The following MAPK8IP3 variants were observed in gnomAD, a reference collection of about 807,000 sequenced individuals.
MAPK8IP3 encodes C-Jun-amino-terminal kinase-interacting protein 3.
In MAPK8IP3, 49 loss-of-function variants were observed where a neutral mutation model predicts 157.8. The observed-to-expected ratio is 0.31, with a 90% confidence interval of 0.25 to 0.39. MAPK8IP3 has a LOEUF of 0.39. Among genes scored for constraint, MAPK8IP3 ranks in the 10% least tolerant of loss-of-function variants. The probability of loss-of-function intolerance (pLI) is 1.00; values close to 1 mark genes in which losing one functional copy is unlikely to be tolerated. For missense variants in MAPK8IP3, 1,478 were observed against 1,889.4 expected (o/e 0.78, Z 4.04); for synonymous variants, 897 against 777.7 (o/e 1.15, Z -2.55).
chr16:1,748,501 T>A lies in MAPK8IP3; in HGVS notation c.1098-101T>A, dbSNP rs369875593. 6 of 1,170,540 alleles carry A rather than the reference T, an allele frequency of 5.1e-6. No individual in the cohort carries two copies. The Admixed American group carries it at 5.6e-5, about 11-fold the overall frequency. 72.5% of individuals were successfully genotyped at this position (1,170,540 alleles called of 1,614,324 possible). The stretch of plus-strand genomic sequence containing the variant: ...ACCGGCCTGCAGGGCAGTGTGGGCA[T>A]TGAATGGCCACGGTGGGAGGTGTTG... On this transcript the variant is annotated intron_variant, in intron 7 of 31. Coordinates refer to ENST00000610761, the MANE Select transcript of MAPK8IP3 (RefSeq NM_001318852.2).
intron 5 of MAPK8IP3, chr16:1,746,065 G>C (rs546863587): frequency 3.3e-5 from 5 of 152,344 alleles, no homozygotes; most frequent in Admixed American, 1.3e-4. Context: ...TGCGCCCTCT[G>C]AGAGACCACG....
Position 1,767,195 on chromosome 16 carries a change from C to G in MAPK8IP3, c.3135C>G (p.His1045Gln), listed in dbSNP as rs751354965. ...ACTATCACCTAATGGACCTGGGCCA[C>G]CCGCACCACTCCATCCGCTGCATGG... Reference protein sequence around the residue: ...LSNYHLMDLGHPHHSIRCMAV... With the variant: ...LSNYHLMDLGQPHHSIRCMAV... The change falls in exon 26 of 32, where the codon CAC (histidine) becomes CAG (glutamine). Residue 1045 changes from histidine (H) to glutamine (Q), a missense_variant. This residue lies in a region of MAPK8IP3 where 669 missense variants were observed against 759.8 expected (regional missense o/e 0.88). Transcript: ENST00000610761. 1.9e-6 allele frequency: 3 copies of G among 1,613,242 alleles called. No homozygotes were observed. The African/African-American group carries it at 4.0e-5, about 22-fold the overall frequency.
chr16:1,721,033 CAAA>C (rs748395787), intron 1 of MAPK8IP3, among the ~76,000 whole-genome samples: 2 of 93,290 alleles, frequency 2.1e-5, no homozygotes. Context: ...AACTTTGTCT[CAAA>C]AAAAAAAAAA....
chr16:1,718,473 C>T (rs1328793921), intron 1 of MAPK8IP3, among the ~76,000 whole-genome samples: 3 of 151,956 alleles, frequency 2.0e-5, no homozygotes, highest in Non-Finnish European at 4.4e-5. Flanking sequence ...CATGAGTCAC[C>T]GCGCCCGGCT....
Position 1,710,022 on chromosome 16 carries a change from A to G in MAPK8IP3, c.318+3365A>G, listed in dbSNP as rs142515075. Among the ~76,000 whole-genome samples the G allele has an allele frequency of 4.6e-5, 7 of 152,306 alleles. No individual in the cohort carries two copies. In the East Asian group the frequency reaches 1.4e-3, roughly 29 times the overall value. On this transcript the variant is annotated intron_variant, in intron 1 of 31. Coordinates refer to ENST00000610761, the MANE Select transcript of MAPK8IP3 (RefSeq NM_001318852.2). The surrounding 1 kb of genome is among the most constrained non-coding windows in gnomAD (Gnocchi z 4.1). ...TGATGCTATGTAAGGAAAGGATGCA[A>G]GGGAAGACAGTTTTATCCAAAACTT... is the stretch of plus-strand genomic sequence containing the variant.
In MAPK8IP3 at chr16:1,768,700, C is replaced by T. The variant is rs368633312; in HGVS notation, c.3893-3C>T. ...GGCCGTCACTCTGCTGCTTTGCCCG[C>T]AGGAGACGGAGAGGACGACGAGACG... On this transcript the variant is annotated splice_polypyrimidine_tract_variant and splice_region_variant and intron_variant, in intron 31 of 31. Coordinates refer to ENST00000610761, the MANE Select transcript of MAPK8IP3 (RefSeq NM_001318852.2). 3.5e-5 allele frequency: 56 copies of T among 1,611,904 alleles called. No homozygotes were observed. The highest frequency in any genetic ancestry group is 4.5e-5 in the Non-Finnish European group (53 of 1,179,410).
rs565270072 is a variant in MAPK8IP3 at position 1,762,618 on chromosome 16, GCAGGTA to G, written c.1671-56_1671-51del. On this transcript the variant is annotated intron_variant, in intron 14 of 31. Coordinates refer to ENST00000610761, the MANE Select transcript of MAPK8IP3 (RefSeq NM_001318852.2). ...GCTTCCTGGCGGGAGCCAGAGAGTC[GCAGGTA>G]AGGGAGGCGTGAGGGCACTAGCAGG... is the stretch of plus-strand genomic sequence containing the variant. 4 of 1,543,558 alleles carry G rather than the reference GCAGGTA, an allele frequency of 2.6e-6. No individual in the cohort carries two copies. In the African/African-American group the frequency reaches 5.5e-5, roughly 21 times the overall value.
intron 17 of MAPK8IP3, 26 bp from the exon 18 acceptor site, chr16:1,764,089 C>A: frequency 6.4e-7 from 1 of 1,573,278 alleles, no homozygotes; most frequent in Non-Finnish European, 8.6e-7. Context: ...GGGTTCGTGC[C>A]CACGGCGCCT....
intron 2 of MAPK8IP3, among the ~76,000 whole-genome samples, chr16:1,725,233 A>G (rs931344530): frequency 6.6e-6 from 1 of 150,546 alleles, no homozygotes; most frequent in African/African-American, 2.4e-5. Context: ...CTTAAACTCT[A>G]CTGTCAATGT....
At position 1,768,203 on chromosome 16, in the gene MAPK8IP3, T is replaced by G; in HGVS notation, c.3567T>G (p.Asn1189Lys). 1 of 1,612,382 alleles carries G rather than the reference T, an allele frequency of 6.2e-7. No individual in the cohort carries two copies. The highest frequency in any genetic ancestry group is 1.3e-5 in the African/African-American group (1 of 75,022). Residue 1189 changes from asparagine to lysine, a missense_variant, in exon 30 of 32, where the codon AAT (asparagine) becomes AAG (lysine). Coordinates refer to ENST00000610761, the MANE Select transcript of MAPK8IP3 (RefSeq NM_001318852.2). ...CTCTGGGTTCTCTCCCTGCAGCCAA[T>G]AAGACATCCCCCACCTCTGGGGAGG... Reference protein sequence around the residue: ...HRGQLLGLRANKTSPTSGEGA... With the variant: ...HRGQLLGLRAKKTSPTSGEGA...
At chr16:1,713,010 C>G (rs2037895810) in intron 1 of MAPK8IP3, among the ~76,000 whole-genome samples, 11 of 152,254 alleles carry the variant, frequency 7.2e-5, no homozygotes. Context: ...CCCGGAGATG[C>G]TGGCCATCTG....
chr16:1,764,395 T>A lies in MAPK8IP3; in HGVS notation c.2216T>A (p.Leu739Gln). The A allele has an allele frequency of 1.2e-6, 2 of 1,601,284 alleles. No homozygotes were observed. The highest frequency in any genetic ancestry group is 1.7e-6 in the Non-Finnish European group (2 of 1,175,542). The change falls in exon 19 of 32, where the codon CTG (leucine) becomes CAG (glutamine). Residue 739 changes from leucine to glutamine, a missense_variant. By Grantham distance (113) the Leu-to-Gln change is moderately radical (BLOSUM62 -2). Around this residue, in one of 11 missense-constraint regions of MAPK8IP3, gnomAD observed 669 missense variants for 759.8 expected, o/e 0.88. Transcript: ENST00000610761. ...GVKPAPGRDP[L>Q]TCDREGDGEP... ...AAGCCAGCGCCAGGCCGCGATCCCC[T>A]GACCTGCGACCGCGAAGGAGACGGC...
chr16:1,769,497 A>G lies in MAPK8IP3; in HGVS notation c.*673A>G, dbSNP rs1191335840. 6.5e-6 allele frequency: 1 copy of G among 152,732 alleles called. No individual in the cohort carries two copies. The highest frequency in any genetic ancestry group is 1.5e-5 in the Non-Finnish European group (1 of 68,396). 9.5% of individuals were successfully genotyped at this position (152,732 alleles called of 1,614,324 possible). ...GCTTGAGAACAGAGACTGCTACCCCATCCTGCCCATGCAGGCAGGCTCTTG... is the reference window on the plus strand; with the variant it reads ...GCTTGAGAACAGAGACTGCTACCCCGTCCTGCCCATGCAGGCAGGCTCTTG... On this transcript the variant is annotated 3_prime_UTR_variant, in exon 32 of 32. Transcript: ENST00000610761.
chr16:1,734,027 C>T (rs750101915), intron 4 of MAPK8IP3, among the ~76,000 whole-genome samples: 1 of 152,228 alleles, frequency 6.6e-6, no homozygotes, highest in Non-Finnish European at 1.5e-5. Flanking sequence ...GAAACAGGAC[C>T]CCTGCACCTC....
intron 8 of MAPK8IP3, among the ~76,000 whole-genome samples, chr16:1,754,113 C>T (rs1394508636): frequency 1.3e-5 from 2 of 151,076 alleles, no homozygotes; most frequent in Admixed American, 6.6e-5. Flanking sequence ...GCAGAGGTTG[C>T]AGTGAGCCGA....
intron 5 of MAPK8IP3, chr16:1,744,450 G>A (rs769858724): frequency 1.4e-5 from 14 of 985,838 alleles, no homozygotes; most frequent in African/African-American, 1.7e-5. Flanking sequence ...CTGCTGCTGC[G>A]CTGCTCTGGG....
intron 4 of MAPK8IP3, among the ~76,000 whole-genome samples, chr16:1,730,891 G>A (rs529566611): frequency 6.6e-6 from 1 of 150,456 alleles, no homozygotes; most frequent in Non-Finnish European, 1.5e-5. Context: ...TGTAATCCCG[G>A]CACTTTGGAA....
chr16:1,758,119 G>T (rs1461591585), intron 8 of MAPK8IP3, 29 bp from the exon 9 acceptor site: 1 of 1,613,086 alleles, frequency 6.2e-7, no homozygotes, highest in East Asian at 2.2e-5. Flanking sequence ...TCCTTCCCCT[G>T]CCTCTCTGTG....
intron 8 of MAPK8IP3, chr16:1,752,408 CT>C: frequency 3.6e-6 from 1 of 277,684 alleles, no homozygotes; most frequent in Non-Finnish European, 7.3e-6. Context: ...AGTAACAGAC[CT>C]TTTGGTGCCT....
Sources: gnomAD v4.1 joint callset for allele counts (sites outside exome capture counted in the v4.1 genomes callset) on GRCh38, gnomAD v4.1.1 for gene constraint, gnomAD v4.1.1 regional missense constraint, Gnocchi (gnomAD v3.1) non-coding constraint, MANE v1.5 for transcripts, NCBI Gene and HGNC (gene_info 2026-07-23, HGNC 2026-07-21) for gene names.